Variants in PCGF6 observed in about 807,000 individuals in gnomAD.
PCGF6 encodes polycomb group RING finger protein 6.
PCGF6 carries 24 observed loss-of-function variants against 45.5 expected under a neutral mutation model. The ratio of observed to expected loss-of-function variants is 0.53; its 90% confidence interval spans 0.38 to 0.74. PCGF6 has a LOEUF of 0.74. Ranked by LOEUF, PCGF6 falls within the 30% of genes least tolerant of loss-of-function variation. The pLI is 0.00. For synonymous variants in PCGF6, 152 were observed against 162.1 expected, an observed-to-expected ratio of 0.94 and a Z score of 0.47; for missense variants, 356 against 443.2, an observed-to-expected ratio of 0.80 and a Z score of 1.77.
At chr10:103,339,216 C>A (rs2093269527) in intron 6 of PCGF6, among the ~76,000 whole-genome samples, 1 of 151,410 alleles carries the variant, frequency 6.6e-6, no homozygotes, top group African/African-American at 2.4e-5. Context: ...GAGTTCAAGA[C>A]CAGCTTGGGC....
intron 6 of PCGF6, among the ~76,000 whole-genome samples, chr10:103,344,468 C>T (rs1310784959): frequency 1.3e-5 from 2 of 151,472 alleles, no homozygotes; most frequent in African/African-American, 4.9e-5. Flanking sequence ...CAGGGTTTCA[C>T]CATGTTGGTC....
At chr10:103,307,654 G>A (rs2093142698) in intron 9 of PCGF6, among the ~76,000 whole-genome samples, 1 of 151,866 alleles carries the variant, frequency 6.6e-6, no homozygotes, top group Non-Finnish European at 1.5e-5. Context: ...TGTATTTTTT[G>A]TAGAGACAGG....
intron 8 of PCGF6, among the ~76,000 whole-genome samples, chr10:103,314,681 G>A (rs1025998321): frequency 6.6e-6 from 1 of 152,136 alleles, no homozygotes; most frequent in African/African-American, 2.4e-5. Context: ...CGGGAGCAGT[G>A]GCTCACGCCT....
intron 7 of PCGF6, among the ~76,000 whole-genome samples, chr10:103,332,767 C>T (rs1437157375): frequency 6.6e-6 from 1 of 152,094 alleles, no homozygotes; most frequent in Non-Finnish European, 1.5e-5. Flanking sequence ...TAAAGCTGAA[C>T]ACCACCGGTT....
chr10:103,347,687 T>C (rs2093304467), intron 3 of PCGF6, among the ~76,000 whole-genome samples: 3 of 152,156 alleles, frequency 2.0e-5, no homozygotes, highest in Non-Finnish European at 4.4e-5. Context: ...TTCATGTGCA[T>C]TGTTTTTTGT....
chr10:103,305,141 T>A (rs573213270), intron 9 of PCGF6, among the ~76,000 whole-genome samples: 41 of 117,354 alleles, frequency 3.5e-4, no homozygotes, highest in South Asian at 1.6e-3. Context: ...TACTTCAAAA[T>A]TTTTTTTTTC....
chr10:103,341,322 T>C (rs750890096), intron 6 of PCGF6, among the ~76,000 whole-genome samples: 1 of 148,966 alleles, frequency 6.7e-6, no homozygotes, highest in Middle Eastern at 3.2e-3. Context: ...AATGGCACTA[T>C]CTCGGCTCAC....
In PCGF6 at chr10:103,310,116, A is replaced by G. The variant is rs180741028; in HGVS notation, c.996+4070T>C. ...CAGGCACCCGCCACCATGCCCGGCT[A>G]ATTTTTTGTATTTTTAGTAGAGATG... On this transcript the variant is annotated intron_variant, in intron 9 of 9. Transcript: ENST00000369847. 8.7e-3 allele frequency among the ~76,000 whole-genome samples: 1,325 copies of G among 151,856 alleles called. 18 individuals carry two copies. Among genetic ancestry groups the G allele is most frequent in the African/African-American group, 0.029 (1,214 of 41,410 alleles).
chr10:103,323,175 T>C (rs115729984), intron 8 of PCGF6, among the ~76,000 whole-genome samples: 366 of 152,250 alleles, frequency 2.4e-3, no homozygotes, highest in African/African-American at 7.7e-3. Context: ...TCATTTCTAG[T>C]TTTCAGCTGC....
intron 7 of PCGF6, among the ~76,000 whole-genome samples, chr10:103,333,685 C>T (rs1451435989): frequency 6.6e-6 from 1 of 152,034 alleles, no homozygotes; most frequent in Admixed American, 6.6e-5. Context: ...TTTTTTATCA[C>T]CAAATTAACA....
At chr10:103,309,011 T>C (rs2093147388) in intron 9 of PCGF6, among the ~76,000 whole-genome samples, 1 of 152,234 alleles carries the variant, frequency 6.6e-6, no homozygotes, top group African/African-American at 2.4e-5. Flanking sequence ...CCAATGTTTA[T>C]ACCCCCATTG....
intron 8 of PCGF6, among the ~76,000 whole-genome samples, chr10:103,323,071 A>G (rs1219779027): frequency 6.6e-6 from 1 of 152,112 alleles, no homozygotes; most frequent in Non-Finnish European, 1.5e-5. Context: ...GGGATCACTC[A>G]TAATTCTTAA....
intron 8 of PCGF6, among the ~76,000 whole-genome samples, chr10:103,317,235 T>G (rs1257067386): frequency 6.6e-6 from 1 of 152,006 alleles, no homozygotes; most frequent in Non-Finnish European, 1.5e-5. Context: ...GGTCTCAAAC[T>G]CCTAACCTTA....
At chr10:103,319,846 G>A (rs1281652531) in intron 8 of PCGF6, among the ~76,000 whole-genome samples, 1 of 151,792 alleles carries the variant, frequency 6.6e-6, no homozygotes, top group Non-Finnish European at 1.5e-5. Context: ...TTGCTCTGTC[G>A]CCAGGCTGTA....
intron 8 of PCGF6, among the ~76,000 whole-genome samples, chr10:103,321,955 G>A (rs1348472840): frequency 6.6e-6 from 1 of 151,054 alleles, no homozygotes; most frequent in African/African-American, 2.4e-5. Flanking sequence ...GAGTGCAGTG[G>A]CATGGTCTCA....
intron 7 of PCGF6, among the ~76,000 whole-genome samples, chr10:103,331,513 C>T (rs1477093239): frequency 6.6e-6 from 1 of 152,166 alleles, no homozygotes; most frequent in Non-Finnish European, 1.5e-5. Context: ...CTGCCTTGGG[C>T]TCCCAACGTG....
chr10:103,306,380 G>A (rs982056001), intron 9 of PCGF6, among the ~76,000 whole-genome samples: 1 of 151,984 alleles, frequency 6.6e-6, no homozygotes, highest in African/African-American at 2.4e-5. Context: ...TTATAGGTGT[G>A]AGCCACAACG....
At chr10:103,318,613 C>T (rs566129090) in intron 8 of PCGF6, among the ~76,000 whole-genome samples, 3 of 151,526 alleles carry the variant, frequency 2.0e-5, no homozygotes, top group African/African-American at 7.3e-5. Flanking sequence ...GGCATGGTGG[C>T]GGTCGCCTGT....
At chr10:103,323,586 C>T (rs1444786742) in intron 8 of PCGF6, among the ~76,000 whole-genome samples, 2 of 150,570 alleles carry the variant, frequency 1.3e-5, no homozygotes, top group African/African-American at 2.4e-5. Flanking sequence ...TGAGCCACCG[C>T]GTCCGGCCCC....
Sources: gnomAD v4.1 joint callset for allele counts (sites outside exome capture counted in the v4.1 genomes callset) on GRCh38, gnomAD v4.1.1 for gene constraint, MANE v1.5 for transcripts, NCBI Gene and HGNC (gene_info 2026-07-23, HGNC 2026-07-21) for gene names.